Variants in SPATS2L observed in about 807,000 individuals in gnomAD.
SPATS2L encodes spermatogenesis associated serine rich 2 like, also known as SPATS2-like protein.
Under a neutral mutation model 59.6 loss-of-function variants are expected in SPATS2L, and 30 were observed. That is an observed-to-expected ratio of 0.50 (90% CI 0.38 to 0.68). The LOEUF is 0.68. SPATS2L is among the 30% of genes least tolerant of loss of function. The pLI is 0.00. For synonymous variants in SPATS2L, 252 were observed against 263.5 expected (o/e 0.96, Z 0.42); for missense variants, 615 against 700.0 (o/e 0.88, Z 1.37).
chr2:200,373,361 A>G (rs897528885), intron 2 of SPATS2L: 10 of 152,040 alleles, frequency 6.6e-5, no homozygotes, highest in Admixed American at 1.3e-4. Flanking sequence ...TCTGTATGAA[A>G]CATCTAGAGG....
At position 200,479,253 on chromosome 2, in the gene SPATS2L, T is replaced by G. The variant is rs895881974; in HGVS notation, c.*1222T>G. The G allele has an allele frequency of 3.6e-6, 1 of 275,942 alleles. No individual in the cohort carries two copies. The highest frequency in any genetic ancestry group is 6.7e-6 in the Non-Finnish European group (1 of 148,438). 17.1% of individuals were successfully genotyped at this position (275,942 alleles called of 1,614,324 possible). ...CTCTCCTTTCCTCCTTGGGTTGACATTGCATTCAGAATTGTGGCAAAGGGC... is the reference window on the plus strand; with the variant it reads ...CTCTCCTTTCCTCCTTGGGTTGACAGTGCATTCAGAATTGTGGCAAAGGGC... On this transcript the variant is annotated 3_prime_UTR_variant, in exon 13 of 13. Coordinates refer to ENST00000409140, the MANE Select transcript of SPATS2L (RefSeq NM_001100423.2).
chr2:200,311,717 T>C (rs747946057), intron 1 of SPATS2L, among the ~76,000 whole-genome samples: 50 of 152,226 alleles, frequency 3.3e-4, no homozygotes, highest in Non-Finnish European at 5.4e-4. Flanking sequence ...TAGTAAGCCT[T>C]ATTTTGTACA....
intron 5 of SPATS2L, among the ~76,000 whole-genome samples, chr2:200,418,216 C>T (rs2083145825): frequency 1.3e-5 from 2 of 152,024 alleles, no homozygotes; most frequent in Non-Finnish European, 2.9e-5. Context: ...GCTTTCTCAC[C>T]GGAAAAGGGG....
chr2:200,421,718 AT>A (rs1369672517), intron 6 of SPATS2L, among the ~76,000 whole-genome samples: 6 of 152,176 alleles, frequency 3.9e-5, no homozygotes, highest in African/African-American at 1.2e-4. Flanking sequence ...TTCTCCAGAA[AT>A]TTTTTTAATT....
At chr2:200,377,737 CT>C (rs2081648513) in intron 2 of SPATS2L, among the ~76,000 whole-genome samples, 1 of 152,166 alleles carries the variant, frequency 6.6e-6, no homozygotes, top group Non-Finnish European at 1.5e-5. Context: ...ATGTATACCC[CT>C]AGACATGGTT....
At chr2:200,314,069 A>G (rs1011210680) in intron 1 of SPATS2L, among the ~76,000 whole-genome samples, 9 of 151,988 alleles carry the variant, frequency 5.9e-5, no homozygotes, top group Admixed American at 2.6e-4. Context: ...GTTTTCTTCT[A>G]CTACCACCTA....
At chr2:200,362,972 G>A (rs2081155991) in intron 2 of SPATS2L, among the ~76,000 whole-genome samples, 1 of 152,032 alleles carries the variant, frequency 6.6e-6, no homozygotes, top group South Asian at 2.1e-4. Context: ...AAATTTTCTA[G>A]GTACAATTTT....
chr2:200,337,584 T>C (rs1377149050), intron 2 of SPATS2L, among the ~76,000 whole-genome samples: 4 of 152,204 alleles, frequency 2.6e-5, no homozygotes, highest in Non-Finnish European at 5.9e-5. Context: ...AAATTGTTTA[T>C]AAGATGTTTG....
chr2:200,457,536 C>T lies in SPATS2L; in HGVS notation c.789-2233C>T, dbSNP rs2085932835. ...CTATATTTAAAACACACTGACATAC[C>T]TATGTAATGTCAATAGGTAAGGGAC... On this transcript the variant is annotated intron_variant, in intron 8 of 12. Coordinates refer to ENST00000409140, the MANE Select transcript of SPATS2L (RefSeq NM_001100423.2). Among the ~76,000 whole-genome samples the T allele has an allele frequency of 2.0e-5, 3 of 152,170 alleles. No individual in the cohort carries two copies. In the South Asian group the frequency reaches 6.2e-4, roughly 31 times the overall value.
intron 3 of SPATS2L, among the ~76,000 whole-genome samples, chr2:200,411,626 A>G (rs146620726): frequency 6.6e-6 from 1 of 152,384 alleles, no homozygotes; most frequent in Admixed American, 6.5e-5. Context: ...GAAAGAATAT[A>G]TGCTAAATTT....
rs1487924171 is a variant in SPATS2L at position 200,439,176 on chromosome 2, T to C, written c.500T>C (p.Ile167Thr). Residue 167 changes from isoleucine (I) to threonine (T), a missense_variant, in exon 7 of 13, where the codon ATA (isoleucine) becomes ACA (threonine). Ile to Thr is a moderately conservative substitution (Grantham distance 89). This residue lies in a region of SPATS2L where 227 missense variants were observed against 257.4 expected (regional missense o/e 0.88). Coordinates refer to ENST00000409140, the MANE Select transcript of SPATS2L (RefSeq NM_001100423.2). ...KLSLDGNPKP[I>T]HGTTERSDGL... ...TCCTTAGATGGGAACCCCAAACCTA[T>C]ACATGGAACAACAGAGAGGTCAGAT... is the stretch of plus-strand genomic sequence containing the variant. The C allele has an allele frequency of 1.2e-6, 2 of 1,613,608 alleles. No homozygotes were observed. Among genetic ancestry groups the C allele is most frequent in the African/African-American group, 2.7e-5 (2 of 74,884 alleles).
chr2:200,369,628 G>C lies in SPATS2L; in HGVS notation c.-22-19595G>C, dbSNP rs1403748883. Among the ~76,000 whole-genome samples the C allele has an allele frequency of 7.2e-5, 11 of 151,900 alleles. No individual in the cohort carries two copies. In the South Asian group the frequency reaches 2.3e-3, roughly 32 times the overall value. On this transcript the variant is annotated intron_variant, in intron 2 of 12. Coordinates refer to ENST00000409140, the MANE Select transcript of SPATS2L (RefSeq NM_001100423.2). ...ATAAGTATTAAGTACTGGATAATAA[G>C]TATAAATTAAGTATAATATATAAAA...
At chr2:200,416,324 T>G (rs2106000889) in intron 4 of SPATS2L, 55 bp from the exon 5 acceptor site, 1 of 966,868 alleles carries the variant, frequency 1.0e-6, no homozygotes, top group East Asian at 3.1e-5. Context: ...GAGATGAATT[T>G]TGTGTGGTGT....
rs1342147832 is a variant in SPATS2L at position 200,316,748 on chromosome 2, G to A, written c.-73+9826G>A. Reference sequence around the variant, plus strand: ...CTGTCATGTTTCTCCAAGCCTTCTTGGGACAGTAGTGTCCCTAGGGTTGGG... The same window carrying A: ...CTGTCATGTTTCTCCAAGCCTTCTTAGGACAGTAGTGTCCCTAGGGTTGGG... On this transcript the variant is annotated intron_variant, in intron 1 of 12. Coordinates refer to ENST00000409140, the MANE Select transcript of SPATS2L (RefSeq NM_001100423.2). Among the ~76,000 whole-genome samples, 8 of 152,262 alleles carry A rather than the reference G, an allele frequency of 5.3e-5. No homozygotes were observed. In the East Asian group the frequency reaches 1.4e-3, roughly 26 times the overall value.
chr2:200,351,907 T>A (rs1469211097), intron 2 of SPATS2L, among the ~76,000 whole-genome samples: 4 of 152,178 alleles, frequency 2.6e-5, no homozygotes, highest in Non-Finnish European at 4.4e-5. Context: ...TCAATCTGTT[T>A]GAGTGTTGTT....
intron 9 of SPATS2L, among the ~76,000 whole-genome samples, chr2:200,465,626 G>A (rs1276393636): frequency 6.6e-6 from 1 of 152,212 alleles, no homozygotes; most frequent in Non-Finnish European, 1.5e-5. Flanking sequence ...GGGCTAGGGG[G>A]AGCCCCAGTT....
chr2:200,360,152 CAT>C (rs2081049056), intron 2 of SPATS2L, among the ~76,000 whole-genome samples: 1 of 152,116 alleles, frequency 6.6e-6, no homozygotes, highest in Non-Finnish European at 1.5e-5. Flanking sequence ...ATAAAAAATA[CAT>C]AGAGCCTCAA....
chr2:200,357,595 C>A (rs964736876), intron 2 of SPATS2L, among the ~76,000 whole-genome samples: 1 of 152,044 alleles, frequency 6.6e-6, no homozygotes, highest in Non-Finnish European at 1.5e-5. Flanking sequence ...AAAAGCCAAC[C>A]CAGACCAAAT....
intron 2 of SPATS2L, among the ~76,000 whole-genome samples, chr2:200,343,351 G>T (rs1011310057): frequency 6.6e-6 from 1 of 152,112 alleles, no homozygotes; most frequent in Admixed American, 6.6e-5. Context: ...TCACCTAATC[G>T]ATTAAGGTGT....
Sources: allele counts gnomAD v4.1 joint callset (sites outside exome capture counted in the v4.1 genomes callset), GRCh38; gene constraint gnomAD v4.1.1; regional missense constraint gnomAD v4.1.1; transcripts MANE v1.5; gene names NCBI Gene and HGNC (gene_info 2026-07-23, HGNC 2026-07-21).